The following GRIA2 variants were observed in gnomAD, a reference collection of about 807,000 sequenced individuals.
GRIA2 encodes the protein glutamate receptor 2.
In GRIA2, 14 loss-of-function variants were observed where a neutral mutation model predicts 97.3. The observed-to-expected ratio is 0.14, with a 90% CI of 0.10 to 0.23. The LOEUF (loss-of-function observed/expected upper bound fraction) is 0.23, where lower values mean the gene tolerates loss of function less well. Among genes scored for constraint, GRIA2 ranks in the 10% least tolerant of loss-of-function variants. The pLI, the probability that GRIA2 is intolerant of heterozygous loss-of-function variation, is 1.00. For missense variants in GRIA2, 558 were observed against 1,069.8 expected (o/e 0.52, Z 6.67); for synonymous variants, 412 against 387.8 (o/e 1.06, Z -0.73).
intron 2 of GRIA2, among the ~76,000 whole-genome samples, chr4:157,231,070 C>T (rs951221407): frequency 6.6e-6 from 1 of 151,832 alleles, no homozygotes; most frequent in Admixed American, 6.6e-5. Flanking sequence ...GATGGAGTCT[C>T]GCTCTGTCAC....
Position 157,359,877 on chromosome 4 carries a change from C to CCCTTACTTTGCTATCTGGT in GRIA2, c.2044-17_2044-16insTTACTTTGCTATCTGGTCC. 1.2e-6 allele frequency: 2 copies of CCCTTACTTTGCTATCTGGT among 1,610,242 alleles called. No homozygotes were observed. The highest frequency in any genetic ancestry group is 2.7e-5 in the African/African-American group (2 of 74,804). On this transcript the variant is annotated intron_variant, in intron 12 of 15. Coordinates refer to ENST00000264426, the MANE Select transcript of GRIA2 (RefSeq NM_001083619.3). Reference sequence around the variant, plus strand: ...AGGGCCATCTCTTAATGCTATCTGGCCCCTTACTTTTCCTGCAGAGATCTA... The same window carrying CCCTTACTTTGCTATCTGGT: ...AGGGCCATCTCTTAATGCTATCTGGCCCTTACTTTGCTATCTGGTCCCTTACTTTTCCTGCAGAGATCTA...
chr4:157,313,215 C>T (rs932190568), intron 4 of GRIA2, among the ~76,000 whole-genome samples: 1 of 151,912 alleles, frequency 6.6e-6, no homozygotes, highest in African/African-American at 2.4e-5. Flanking sequence ...AAGAAATAGA[C>T]ATGTATTAAC....
At chr4:157,332,435 T>C (rs892891613) in intron 6 of GRIA2, among the ~76,000 whole-genome samples, 13 of 152,010 alleles carry the variant, frequency 8.6e-5, no homozygotes, top group Non-Finnish European at 1.5e-4. Flanking sequence ...GAATTTCTCA[T>C]TGGACTGTAA....
intron 2 of GRIA2, among the ~76,000 whole-genome samples, chr4:157,268,407 A>G (rs975827824): frequency 2.0e-5 from 3 of 152,058 alleles, no homozygotes; most frequent in African/African-American, 7.2e-5. Flanking sequence ...TGTGTCCTTG[A>G]GCAAATTATT....
At chr4:157,362,725 C>A in intron 14 of GRIA2, 74 bp from the exon 15 acceptor site, 1 of 1,239,362 alleles carries the variant, frequency 8.1e-7, no homozygotes, top group Non-Finnish European at 1.1e-6. Context: ...CGTGATAATG[C>A]TATGTGACAT....
chr4:157,332,674 T>C lies in GRIA2; in HGVS notation c.883-145T>C, dbSNP rs771433393. 1.1e-4 allele frequency: 63 copies of C among 584,226 alleles called. No individual in the cohort carries two copies. The Middle Eastern group carries it at 3.3e-3, about 31-fold the overall frequency. The allele number at this position is 584,226 out of a possible 1,614,324, so 36.2% of individuals were successfully genotyped here. The stretch of plus-strand genomic sequence containing the variant: ...TTTTGTAATGCTTCTCTTCGATTCT[T>C]AGGTTTCTAGATGCAGAAATTGTGT... On this transcript the variant is annotated intron_variant, in intron 6 of 15. Coordinates refer to ENST00000264426, the MANE Select transcript of GRIA2 (RefSeq NM_001083619.3).
At position 157,244,664 on chromosome 4, in the gene GRIA2, C is replaced by T. The variant is rs1326420681; in HGVS notation, c.229+22857C>T. 2.0e-5 allele frequency among the ~76,000 whole-genome samples: 3 copies of T among 152,022 alleles called. No homozygotes were observed. The East Asian group carries it at 5.8e-4, about 29-fold the overall frequency. ...TCCTATATAAAAGAGGCTACTGATA[C>T]TAGAGTTATTACTCAGAACCTTTAA... is the stretch of plus-strand genomic sequence containing the variant. On this transcript the variant is annotated intron_variant, in intron 2 of 15. Transcript: ENST00000264426.
rs755347479 is a variant in GRIA2, at chr4:157,341,252, A to G, written c.1845-12A>G. The G allele has an allele frequency of 1.3e-5, 21 of 1,587,988 alleles. No homozygotes were observed. The highest frequency in any genetic ancestry group is 1.6e-5 in the Non-Finnish European group (19 of 1,156,736). ...ATTTCACTTTACAAATCCATTTCAT[A>G]CTTGTTATTAGATCCCTCTCTGGGC... On this transcript the variant is annotated splice_polypyrimidine_tract_variant and intron_variant, in intron 11 of 15. Coordinates refer to ENST00000264426, the MANE Select transcript of GRIA2 (RefSeq NM_001083619.3).
chr4:157,251,917 G>A lies in GRIA2; in HGVS notation c.229+30110G>A, dbSNP rs1257361962. ...GCCAGGCATTCTTGAGACCCTATAC[G>A]GGGATCTACAAAATAACAATCATTT... On this transcript the variant is annotated intron_variant, in intron 2 of 15. Transcript: ENST00000264426. Among the ~76,000 whole-genome samples, 7 of 151,916 alleles carry A rather than the reference G, an allele frequency of 4.6e-5. No homozygotes were observed. In the East Asian group the frequency reaches 7.8e-4, roughly 17 times the overall value.
intron 2 of GRIA2, among the ~76,000 whole-genome samples, chr4:157,284,827 A>G (rs1025689201): frequency 2.6e-5 from 4 of 151,684 alleles, no homozygotes; most frequent in East Asian, 1.9e-4. Flanking sequence ...TTATTTCATT[A>G]TATACTCCAG....
intron 3 of GRIA2, among the ~76,000 whole-genome samples, chr4:157,307,741 G>A (rs968071064): frequency 6.6e-6 from 1 of 152,200 alleles, no homozygotes; most frequent in Non-Finnish European, 1.5e-5. Context: ...CAGAGAGTAG[G>A]TAAAAACAGA....
intron 2 of GRIA2, among the ~76,000 whole-genome samples, chr4:157,256,997 T>C (rs1315698041): frequency 6.6e-6 from 1 of 152,040 alleles, no homozygotes. Flanking sequence ...TTATTTTTTG[T>C]AGTAGAGTTT....
rs763795535 is a variant in GRIA2 at position 157,332,899 on chromosome 4, C to A, written c.963C>A (p.Ile321=). The A allele has an allele frequency of 3.0e-5, 48 of 1,612,444 alleles. No homozygotes were observed. Among genetic ancestry groups the A allele is most frequent in the Non-Finnish European group, 4.0e-5 (47 of 1,178,940 alleles). Residue 321 remains isoleucine, a synonymous_variant, in exon 7 of 16, where the codon ATC becomes ATA. Coordinates refer to ENST00000264426, the MANE Select transcript of GRIA2 (RefSeq NM_001083619.3). ...FRNLRKQRIE[I]SRRGNAGDCL... ...ACCTAAGGAAGCAAAGAATTGAAAT[C>A]TCCCGAAGGGGGAATGCAGGAGACT...
chr4:157,262,278 C>T (rs1731575533), intron 2 of GRIA2, among the ~76,000 whole-genome samples: 1 of 152,004 alleles, frequency 6.6e-6, no homozygotes, highest in South Asian at 2.1e-4. Flanking sequence ...TTGGTGAACA[C>T]ACCTAACTTT....
intron 2 of GRIA2, among the ~76,000 whole-genome samples, chr4:157,225,638 A>G (rs1186422034): frequency 8.1e-6 from 1 of 123,570 alleles, no homozygotes; most frequent in Non-Finnish European, 1.7e-5. Context: ...TTTTTTTTCT[A>G]GCCTTTTCCC....
Position 157,317,657 on chromosome 4 carries a change from G to T in GRIA2, c.667-1G>T. 9.1e-7 allele frequency: 1 copy of T among 1,100,426 alleles called. No homozygotes were observed. Among genetic ancestry groups the T allele is most frequent in the Non-Finnish European group, 1.4e-6 (1 of 724,746 alleles). The allele number at this position is 1,100,426 out of a possible 1,614,324, so 68.2% of individuals were successfully genotyped here. On this transcript the variant is annotated splice_acceptor_variant, in intron 4 of 15. Transcript: ENST00000264426. LOFTEE classifies it high-confidence loss of function. ...AATAATTACTTATTTGTGCTTATTA[G>T]GTTATTACCATTGGAAAACATGTTA...
chr4:157,311,723 C>A (rs1473771091), intron 3 of GRIA2, among the ~76,000 whole-genome samples: 1 of 151,908 alleles, frequency 6.6e-6, no homozygotes, highest in Non-Finnish European at 1.5e-5. Flanking sequence ...GTTCTGGATT[C>A]ATTCTGGAGT....
At chr4:157,293,181 C>T (rs1733183462) in intron 2 of GRIA2, among the ~76,000 whole-genome samples, 1 of 152,040 alleles carries the variant, frequency 6.6e-6, no homozygotes, top group Non-Finnish European at 1.5e-5. Flanking sequence ...AAGATTTGAC[C>T]AACCAATCCT....
rs67497887 is a variant in GRIA2 at position 157,298,611 on chromosome 4, CTTTTTTTTTTT to C, written c.230-4924_230-4914del. Among the ~76,000 whole-genome samples, 20 of 34,320 alleles carry C rather than the reference CTTTTTTTTTTT, an allele frequency of 5.8e-4. 1 individual carries two copies. The highest frequency in any genetic ancestry group is 2.4e-3 in the African/African-American group (20 of 8,276). The allele number at this position is 34,320 out of a possible 152,430, so 22.5% of individuals were successfully genotyped here. ...TGGAAGGTGACAGATTGAAGCTAAG[CTTTTTTTTTTT>C]TTTTTTTTTTTTTTTTGAGAGAGAA... On this transcript the variant is annotated intron_variant, in intron 2 of 15. Transcript: ENST00000264426.
Sources: allele counts gnomAD v4.1 joint callset (sites outside exome capture counted in the v4.1 genomes callset), GRCh38; gene constraint gnomAD v4.1.1; transcripts MANE v1.5; gene names NCBI Gene and HGNC (gene_info 2026-07-23, HGNC 2026-07-21).